Variants in FAM81B observed in about 807,000 individuals in gnomAD.
FAM81B encodes the protein family with sequence similarity 81 member B.
A neutral mutation model predicts 58.7 loss-of-function variants in FAM81B; 60 were observed. That is an observed-to-expected ratio of 1.02 (90% CI 0.83 to 1.27). The LOEUF is 1.27. FAM81B is among the 50% of genes most tolerant of loss of function. FAM81B has a pLI of 0.00. For missense variants in FAM81B, 491 were observed against 522.0 expected, an observed-to-expected ratio of 0.94 and a Z score of 0.58; for synonymous variants, 189 against 179.6, an observed-to-expected ratio of 1.05 and a Z score of -0.42.
chr5:95,400,831 A>G (rs191062276), intron 3 of FAM81B, among the ~76,000 whole-genome samples: 1 of 152,156 alleles, frequency 6.6e-6, no homozygotes, highest in East Asian at 1.9e-4. Flanking sequence ...AGAGAGGTTG[A>G]AGTTAGCTTG....
chr5:95,448,604 T>G, intron 9 of FAM81B, 140 bp downstream of exon 9: 1 of 795,540 alleles, frequency 1.3e-6, no homozygotes, highest in Non-Finnish European at 2.0e-6. Flanking sequence ...TTTCTAAATA[T>G]CCTATAGAAT....
At chr5:95,420,218 C>G in intron 4 of FAM81B, 66 bp from the exon 5 acceptor site, 1 of 1,598,302 alleles carries the variant, frequency 6.3e-7, no homozygotes, top group Non-Finnish European at 8.5e-7. Flanking sequence ...GTAACCCCTG[C>G]TTTAAATGAT....
At chr5:95,398,372 G>A (rs1255155903) in intron 3 of FAM81B, among the ~76,000 whole-genome samples, 3 of 151,912 alleles carry the variant, frequency 2.0e-5, no homozygotes, top group Non-Finnish European at 4.4e-5. Flanking sequence ...TGAATGGAGA[G>A]TGTACCACTG....
chr5:95,449,635 T>C (rs1038033128), intron 9 of FAM81B, among the ~76,000 whole-genome samples: 2 of 152,168 alleles, frequency 1.3e-5, no homozygotes, highest in East Asian at 1.9e-4. Flanking sequence ...CCCTAAGGCC[T>C]TGAGGTTTGA....
intron 4 of FAM81B, among the ~76,000 whole-genome samples, chr5:95,417,744 T>C (rs1762574635): frequency 6.6e-6 from 1 of 152,162 alleles, no homozygotes; most frequent in Non-Finnish European, 1.5e-5. Context: ...ACTCCTATGA[T>C]TTCAAACAAC....
intron 9 of FAM81B, 61 bp from the exon 10 acceptor site, chr5:95,450,087 CT>C: frequency 6.5e-7 from 1 of 1,527,166 alleles, no homozygotes; most frequent in Non-Finnish European, 8.7e-7. Context: ...CGATTAGCAA[CT>C]TTTTTAAAAA....
At chr5:95,395,283 C>T (rs940140998) in intron 2 of FAM81B, among the ~76,000 whole-genome samples, 10 of 150,694 alleles carry the variant, frequency 6.6e-5, no homozygotes, top group African/African-American at 2.2e-4. Flanking sequence ...ACTAAAAATA[C>T]AAAAAAAAAT....
intron 7 of FAM81B, chr5:95,439,933 T>A (rs750743199): frequency 1.8e-4 from 47 of 262,036 alleles, no homozygotes; most frequent in Non-Finnish European, 1.4e-4. Context: ...GCAAGCAGGA[T>A]CGCTTGAACC....
chr5:95,427,180 G>A (rs1284766165), intron 5 of FAM81B, among the ~76,000 whole-genome samples: 1 of 152,154 alleles, frequency 6.6e-6, no homozygotes, highest in Non-Finnish European at 1.5e-5. Context: ...CTGAGGGTGG[G>A]AAACAAAAGA....
intron 9 of FAM81B, 131 bp from the exon 10 acceptor site, chr5:95,450,018 G>T: frequency 1.0e-6 from 1 of 994,130 alleles, no homozygotes; most frequent in Non-Finnish European, 1.5e-6. Context: ...ATTTTAGGCT[G>T]GTCTTCATAG....
intron 4 of FAM81B, among the ~76,000 whole-genome samples, chr5:95,418,749 C>T (rs1762603246): frequency 6.6e-6 from 1 of 152,080 alleles, no homozygotes; most frequent in Admixed American, 6.6e-5. Context: ...CTAGAAAGTT[C>T]CTCATTCAAA....
At chr5:95,394,326 A>G (rs1454469570) in intron 2 of FAM81B, among the ~76,000 whole-genome samples, 1 of 152,232 alleles carries the variant, frequency 6.6e-6, no homozygotes, top group Non-Finnish European at 1.5e-5. Context: ...GCCCTTGGAC[A>G]CTGTATTCAT....
chr5:95,409,391 T>G (rs1460846310), intron 3 of FAM81B, among the ~76,000 whole-genome samples: 1 of 151,888 alleles, frequency 6.6e-6, no homozygotes, highest in Non-Finnish European at 1.5e-5. Context: ...ATTCCTGACC[T>G]CAAGTGATCT....
At chr5:95,444,645 C>T (rs538487866) in intron 7 of FAM81B, among the ~76,000 whole-genome samples, 30 of 152,240 alleles carry the variant, frequency 2.0e-4, no homozygotes, top group Admixed American at 7.8e-4. Context: ...CCATCTTCTT[C>T]AGTGTTGAGG....
rs185216673 is a variant in FAM81B at position 95,409,957 on chromosome 5, C to T, written c.294-3990C>T. On this transcript the variant is annotated intron_variant, in intron 3 of 9. Transcript: ENST00000283357. ...TACCACCAGTAGTCAATCCAGTAGA[C>T]GTTTTCTCCTTCCTCTTTGCTAATA... Among the ~76,000 whole-genome samples, 5 of 152,262 alleles carry T rather than the reference C, an allele frequency of 3.3e-5. No individual in the cohort carries two copies. The East Asian group carries it at 5.8e-4, about 18-fold the overall frequency.
rs573402893 is a variant in FAM81B at position 95,418,651 on chromosome 5, GT to G, written c.538-1631del. ...TATAGGGAGAAACAATATATATAGG[GT>G]TCAGTACTATATGAGGTTTTGGGCA... is the stretch of plus-strand genomic sequence containing the variant. On this transcript the variant is annotated intron_variant, in intron 4 of 9. Coordinates refer to ENST00000283357, the MANE Select transcript of FAM81B (RefSeq NM_152548.3). 2.0e-4 allele frequency among the ~76,000 whole-genome samples: 31 copies of G among 152,182 alleles called. No homozygotes were observed. The South Asian group carries it at 6.4e-3, about 32-fold the overall frequency.
At position 95,396,166 on chromosome 5, in the gene FAM81B, AT is replaced by A. The variant is rs1198963322; in HGVS notation, c.285del (p.Tyr95Ter). ...AAGAATTCTACAGATCTAGTTGAAT[AT>A]GTTGACAAGTAAGTGTGTAAATTAC... Reference protein sequence around the residue: ...STKNSTDLVEYVDKSHAFLPI... With the variant: ...STKNSTDLVEXVDKSHAFLPI... On this transcript the variant is annotated frameshift_variant, in exon 3 of 10. Transcript: ENST00000283357. LOFTEE classifies it high-confidence loss of function. 1 of 1,601,744 alleles carries A rather than the reference AT, an allele frequency of 6.2e-7. No homozygotes were observed. The highest frequency in any genetic ancestry group is 8.5e-7 in the Non-Finnish European group (1 of 1,175,410).
chr5:95,416,126 A>G (rs1391978156), intron 4 of FAM81B, among the ~76,000 whole-genome samples: 1 of 152,252 alleles, frequency 6.6e-6, no homozygotes, highest in Non-Finnish European at 1.5e-5. Flanking sequence ...AAGGCTGTAG[A>G]TAACATAGTT....
At chr5:95,399,924 G>A (rs544507393) in intron 3 of FAM81B, among the ~76,000 whole-genome samples, 1 of 152,324 alleles carries the variant, frequency 6.6e-6, no homozygotes, top group East Asian at 1.9e-4. Context: ...CAAAGCTGCT[G>A]TGATGTAGGA....
Sources: allele counts gnomAD v4.1 joint callset (sites outside exome capture counted in the v4.1 genomes callset), GRCh38; gene constraint gnomAD v4.1.1; transcripts MANE v1.5; gene names NCBI Gene and HGNC (gene_info 2026-07-23, HGNC 2026-07-21).